The following ENTREP2 variants were observed in gnomAD, a reference collection of about 807,000 sequenced individuals.
ENTREP2 encodes protein ENTREP2.
chr15:29,184,201 T>TCTGAAACTCCTGAGCTCAA, the ENTREP2 span, among the ~76,000 whole-genome samples: 1 of 152,162 alleles, frequency 6.6e-6, no homozygotes, highest in Non-Finnish European at 1.5e-5. Context: ...GCCAGGCTCG[T>TCTGAAACTCCTGAGCTCAA]CTGAAACTCC....
the ENTREP2 span, among the ~76,000 whole-genome samples, chr15:29,401,053 A>G: frequency 1.3e-5 from 2 of 152,258 alleles, no homozygotes; most frequent in Non-Finnish European, 2.9e-5. Flanking sequence ...CAGATGGCAC[A>G]GACACAAACC....
At chr15:29,454,640 T>C in the ENTREP2 span, among the ~76,000 whole-genome samples, 1 of 152,118 alleles carries the variant, frequency 6.6e-6, no homozygotes, top group African/African-American at 2.4e-5. Flanking sequence ...CCCCACCTCC[T>C]ATAATGGCAT....
chr15:29,605,524 T>A, the ENTREP2 span, among the ~76,000 whole-genome samples: 1 of 152,336 alleles, frequency 6.6e-6, no homozygotes. Flanking sequence ...TTTTTAAAAG[T>A]CATTTTATTT....
At chr15:29,484,020 C>T in the ENTREP2 span, among the ~76,000 whole-genome samples, 2 of 152,192 alleles carry the variant, frequency 1.3e-5, no homozygotes, top group African/African-American at 2.4e-5. Flanking sequence ...GCAGGATACA[C>T]GCTGCATGCA....
chr15:29,569,334 A>G, the ENTREP2 span, among the ~76,000 whole-genome samples: 1 of 152,254 alleles, frequency 6.6e-6, no homozygotes, highest in East Asian at 1.9e-4. Flanking sequence ...AATTTTGCTC[A>G]GATCTTATGG....
At chr15:29,353,441 G>A in the ENTREP2 span, among the ~76,000 whole-genome samples, 1 of 152,186 alleles carries the variant, frequency 6.6e-6, no homozygotes, top group Non-Finnish European at 1.5e-5. Flanking sequence ...ACTTAGGTAG[G>A]TAGGTAGGTA....
chr15:29,661,940 G>T, the ENTREP2 span, among the ~76,000 whole-genome samples: 1 of 152,142 alleles, frequency 6.6e-6, no homozygotes, highest in Non-Finnish European at 1.5e-5. Context: ...GCCAGGCATG[G>T]TGTATTACGC....
At chr15:29,372,856 G>A in the ENTREP2 span, among the ~76,000 whole-genome samples, 1 of 152,044 alleles carries the variant, frequency 6.6e-6, no homozygotes, top group Non-Finnish European at 1.5e-5. Context: ...ATTTCAAATG[G>A]CAGGAGAAAT....
chr15:29,231,169 C>A, the ENTREP2 span, among the ~76,000 whole-genome samples: 1 of 152,084 alleles, frequency 6.6e-6, no homozygotes, highest in African/African-American at 2.4e-5. Flanking sequence ...CATTTTCCAC[C>A]ATTAGAACAT....
the ENTREP2 span, among the ~76,000 whole-genome samples, chr15:29,601,420 T>TC: frequency 6.7e-6 from 1 of 149,760 alleles, no homozygotes; most frequent in South Asian, 2.1e-4. Context: ...TTAAAGTGTT[T>TC]CCCCACCACC....
the ENTREP2 span, among the ~76,000 whole-genome samples, chr15:29,421,105 C>T: frequency 1.3e-5 from 2 of 152,054 alleles, no homozygotes; most frequent in African/African-American, 2.4e-5. Flanking sequence ...GAAAATGAGT[C>T]CTGGAGAAGA....
chr15:29,153,837 T>C, the ENTREP2 span, among the ~76,000 whole-genome samples: 1 of 152,198 alleles, frequency 6.6e-6, no homozygotes, highest in African/African-American at 2.4e-5. Flanking sequence ...GACAGGGTCT[T>C]GCTCTGTTGC....
chr15:29,125,939 T>C, the ENTREP2 span, among the ~76,000 whole-genome samples: 1 of 152,126 alleles, frequency 6.6e-6, no homozygotes, highest in Non-Finnish European at 1.5e-5. Flanking sequence ...GAGCTATCGT[T>C]GGGGGTCATC....
At chr15:29,243,057 G>A in the ENTREP2 span, among the ~76,000 whole-genome samples, 25 of 152,370 alleles carry the variant, frequency 1.6e-4, no homozygotes, top group East Asian at 4.2e-3. Flanking sequence ...ACGCCACGGC[G>A]AGGATGCTGG....
chr15:29,235,287 G>T, the ENTREP2 span: 1 of 473,010 alleles, frequency 2.1e-6, no homozygotes, highest in Non-Finnish European at 3.8e-6. Context: ...AATAATGATT[G>T]GTCCTGTTTA....
the ENTREP2 span, among the ~76,000 whole-genome samples, chr15:29,160,070 G>A: frequency 6.6e-6 from 1 of 152,238 alleles, no homozygotes; most frequent in Non-Finnish European, 1.5e-5. Context: ...TTGCCCAGAG[G>A]GAAGGCAGCT....
the ENTREP2 span, among the ~76,000 whole-genome samples, chr15:29,516,981 A>C: frequency 2.6e-5 from 4 of 151,524 alleles, no homozygotes; most frequent in Non-Finnish European, 5.9e-5. Context: ...AAAAAAAAAA[A>C]AAAAAACTAC....
At chr15:29,223,580 G>C in the ENTREP2 span, among the ~76,000 whole-genome samples, 2,211 of 152,258 alleles carry the variant, frequency 0.015, 46 homozygotes, top group African/African-American at 0.05. Context: ...CCCTAAAAAT[G>C]AGCTATAAAT....
the ENTREP2 span, among the ~76,000 whole-genome samples, chr15:29,151,552 T>G: frequency 6.6e-6 from 1 of 152,010 alleles, no homozygotes; most frequent in Non-Finnish European, 1.5e-5. Flanking sequence ...ACACCTAAAA[T>G]AAATACATCA....
Sources: gnomAD v4.1 joint callset for allele counts (sites outside exome capture counted in the v4.1 genomes callset) on GRCh38, gnomAD v4.1.1 for gene constraint, MANE v1.5 for transcripts, NCBI Gene and HGNC (gene_info 2026-07-23, HGNC 2026-07-21) for gene names.